PARD3B: variants seen among roughly 807,000 people sequenced by gnomAD.
PARD3B encodes par-3 family cell polarity regulator beta.
In PARD3B, 103 loss-of-function variants were observed where a neutral mutation model predicts 130.2. The ratio of observed to expected loss-of-function variants is 0.79; its 90% CI spans 0.67 to 0.93. The LOEUF is 0.93. Ranked by LOEUF, PARD3B falls within the 40% of genes least tolerant of loss-of-function variation. The probability of loss-of-function intolerance (pLI) is 0.00; values close to 1 mark genes in which losing one functional copy is unlikely to be tolerated. For synonymous variants in PARD3B, 583 were observed against 553.2 expected (o/e 1.05, Z -0.76); for missense variants, 1,609 against 1,499.2 (o/e 1.07, Z -1.21).
chr2:205,558,053 G>A lies in PARD3B; in HGVS notation c.3260+4650G>A, dbSNP rs2106511937. 6.6e-6 allele frequency among the ~76,000 whole-genome samples: 1 copy of A among 152,320 alleles called. No individual in the cohort carries two copies. The highest frequency in any genetic ancestry group is 1.9e-4 in the East Asian group (1 of 5,170). On this transcript the variant is annotated intron_variant, in intron 22 of 22. Transcript: ENST00000406610. The surrounding 1 kb of genome is among the most constrained non-coding windows in gnomAD (Gnocchi z 4.8). Reference sequence around the variant, plus strand: ...CCGACTCAGGAAAGACCAGTGGTCTGGATGGTCAAGTGCAAGAGAACATAG... The same window carrying A: ...CCGACTCAGGAAAGACCAGTGGTCTAGATGGTCAAGTGCAAGAGAACATAG...
At chr2:204,729,062 G>A (rs1265575789) in intron 2 of PARD3B, among the ~76,000 whole-genome samples, 1 of 152,196 alleles carries the variant, frequency 6.6e-6, no homozygotes, top group African/African-American at 2.4e-5. Flanking sequence ...GAATCTTGGT[G>A]AGTTCTCATG....
chr2:205,457,354 CTG>C (rs2048310794), intron 20 of PARD3B, among the ~76,000 whole-genome samples: 1 of 152,006 alleles, frequency 6.6e-6, no homozygotes, highest in African/African-American at 2.4e-5. Flanking sequence ...GTGATATCCT[CTG>C]TTTCATTCCT....
rs542157892 is a variant in PARD3B at position 205,563,005 on chromosome 2, C to G, written c.3260+9602C>G. 6.6e-6 allele frequency among the ~76,000 whole-genome samples: 1 copy of G among 152,210 alleles called. No homozygotes were observed. The highest frequency in any genetic ancestry group is 1.9e-4 in the East Asian group (1 of 5,182). ...ACATCTGATTTGTATGTTTGTGAGG[C>G]CTGTGCTTTATGATTATTTAAAATG... On this transcript the variant is annotated intron_variant, in intron 22 of 22. Transcript: ENST00000406610. The surrounding 1 kb of genome is among the most constrained non-coding windows in gnomAD (Gnocchi z 4.2).
chr2:205,072,310 C>T (rs777028119), intron 4 of PARD3B, among the ~76,000 whole-genome samples: 128 of 150,794 alleles, frequency 8.5e-4, no homozygotes, highest in Non-Finnish European at 1.6e-3. Flanking sequence ...AGTGCAATGG[C>T]GCACTCTTGG....
chr2:205,247,530 C>A (rs2039622290), intron 16 of PARD3B, among the ~76,000 whole-genome samples: 1 of 152,202 alleles, frequency 6.6e-6, no homozygotes, highest in Non-Finnish European at 1.5e-5. Context: ...ATAGTTCCAA[C>A]AGTCTTTATG....
chr2:205,597,510 T>C (rs531842885), intron 22 of PARD3B, among the ~76,000 whole-genome samples: 21 of 152,336 alleles, frequency 1.4e-4, no homozygotes, highest in Admixed American at 1.3e-3. Flanking sequence ...GTCTTTTTGG[T>C]TGAATGATTT....
chr2:205,521,427 G>A (rs889333955), intron 21 of PARD3B, among the ~76,000 whole-genome samples: 9 of 151,698 alleles, frequency 5.9e-5, no homozygotes, highest in East Asian at 1.9e-4. Flanking sequence ...TTCTAACTTC[G>A]TCAATAGACT....
At chr2:205,581,351 G>A (rs1024258519) in intron 22 of PARD3B, among the ~76,000 whole-genome samples, 26 of 144,482 alleles carry the variant, frequency 1.8e-4, no homozygotes, top group Non-Finnish European at 6.0e-5. Flanking sequence ...GTGTGTGTGT[G>A]TACGTGTGTG....
intron 1 of PARD3B, among the ~76,000 whole-genome samples, chr2:204,656,111 C>T (rs1429588794): frequency 2.6e-5 from 4 of 152,096 alleles, no homozygotes; most frequent in Admixed American, 6.6e-5. Context: ...ATTATTTCTG[C>T]AGCATTCTAT....
intron 2 of PARD3B, among the ~76,000 whole-genome samples, chr2:204,765,634 T>A (rs138930224): frequency 2.6e-5 from 4 of 152,308 alleles, no homozygotes; most frequent in African/African-American, 9.6e-5. Flanking sequence ...TTCTCTCCTA[T>A]TGCTATGCAA....
At chr2:204,934,291 G>T (rs1688245459) in intron 2 of PARD3B, among the ~76,000 whole-genome samples, 1 of 152,192 alleles carries the variant, frequency 6.6e-6, no homozygotes, top group Admixed American at 6.5e-5. Flanking sequence ...GTTTAATGCA[G>T]CATGAGAGAA....
chr2:204,629,814 G>A (rs938520279), intron 1 of PARD3B, among the ~76,000 whole-genome samples: 1 of 152,078 alleles, frequency 6.6e-6, no homozygotes, highest in Non-Finnish European at 1.5e-5. Flanking sequence ...ATTGAAATGT[G>A]TCTCTAAAAA....
chr2:204,952,418 A>G (rs1374829194), intron 2 of PARD3B, among the ~76,000 whole-genome samples: 1 of 152,206 alleles, frequency 6.6e-6, no homozygotes, highest in Non-Finnish European at 1.5e-5. Context: ...CCATCATAAA[A>G]TATTACTGGT....
rs577633341 is a variant in PARD3B, at chr2:205,055,073, A to G, written c.504+7383A>G. On this transcript the variant is annotated intron_variant, in intron 4 of 22. Transcript: ENST00000406610. ...CACAGGCCAGTGTATTCGTTTTTGT[A>G]TTCAAGCCCCCAGGCACAGTGCCTG... is the stretch of plus-strand genomic sequence containing the variant. Among the ~76,000 whole-genome samples, 8 of 152,284 alleles carry G rather than the reference A, an allele frequency of 5.3e-5. No individual in the cohort carries two copies. In the South Asian group the frequency reaches 1.5e-3, roughly 28 times the overall value.
At chr2:205,466,067 T>TGCA (rs2048610911) in intron 20 of PARD3B, among the ~76,000 whole-genome samples, 1 of 152,142 alleles carries the variant, frequency 6.6e-6, no homozygotes, top group Admixed American at 6.5e-5. Flanking sequence ...CTTGTTAAAA[T>TGCA]GCAGATTTTG....
At chr2:204,985,216 T>C (rs1693031779) in intron 3 of PARD3B, among the ~76,000 whole-genome samples, 1 of 152,084 alleles carries the variant, frequency 6.6e-6, no homozygotes, top group African/African-American at 2.4e-5. Flanking sequence ...TCCCTCCCTT[T>C]AACTATCTCT....
chr2:205,138,176 A>G (rs953547089), intron 10 of PARD3B, among the ~76,000 whole-genome samples: 1 of 152,116 alleles, frequency 6.6e-6, no homozygotes, highest in Non-Finnish European at 1.5e-5. Flanking sequence ...CCGTTCATGA[A>G]TTTCTTATTG....
intron 3 of PARD3B, among the ~76,000 whole-genome samples, chr2:204,980,729 C>G (rs1243624971): frequency 6.6e-6 from 1 of 152,098 alleles, no homozygotes; most frequent in Non-Finnish European, 1.5e-5. Flanking sequence ...TTACAAAATA[C>G]CTGACAAGTC....
At chr2:204,590,211 C>T (rs1206565067) in intron 1 of PARD3B, among the ~76,000 whole-genome samples, 6 of 152,082 alleles carry the variant, frequency 3.9e-5, no homozygotes, top group Admixed American at 3.3e-4. Context: ...GGGTGGAGAG[C>T]AGACAATGAG....
Sources: allele counts gnomAD v4.1 joint callset (sites outside exome capture counted in the v4.1 genomes callset), GRCh38; gene constraint gnomAD v4.1.1; non-coding constraint Gnocchi (gnomAD v3.1); transcripts MANE v1.5; gene names NCBI Gene and HGNC (gene_info 2026-07-23, HGNC 2026-07-21).